ACSM2B: variants seen among roughly 807,000 people sequenced by gnomAD.
ACSM2B encodes acyl-coenzyme A synthetase ACSM2B, mitochondrial.
ACSM2B carries 58 observed loss-of-function variants against 78.6 expected under a neutral mutation model. That is an observed-to-expected ratio of 0.74 (90% CI 0.60 to 0.92). The LOEUF (loss-of-function observed/expected upper bound fraction) is 0.92, where lower values mean the gene tolerates loss of function less well. Among genes scored for constraint, ACSM2B ranks in the 40% least tolerant of loss-of-function variants. The pLI, the probability that ACSM2B is intolerant of heterozygous loss-of-function variation, is 0.00. For synonymous variants in ACSM2B, 257 were observed against 256.8 expected (o/e 1.00, Z -0.01); for missense variants, 688 against 711.2 (o/e 0.97, Z 0.37).
At position 20,561,700 on chromosome 16, in the gene ACSM2B, G is replaced by A. The variant is rs538715782; in HGVS notation, c.178-2253C>T. Among the ~76,000 whole-genome samples, 3 of 151,470 alleles carry A rather than the reference G, an allele frequency of 2.0e-5. No homozygotes were observed. In the South Asian group the frequency reaches 6.3e-4, roughly 32 times the overall value. On this transcript the variant is annotated intron_variant, in intron 2 of 13. Coordinates refer to ENST00000329697, the MANE Select transcript of ACSM2B (RefSeq NM_001105069.2). ...CAATAATCTCTTTTTTTTTTGGTTG[G>A]ATTTGCCTGATATTTCTTTTTTTAT...
At chr16:20,569,474 G>A (rs958877090) in intron 1 of ACSM2B, among the ~76,000 whole-genome samples, 3 of 151,836 alleles carry the variant, frequency 2.0e-5, no homozygotes, top group African/African-American at 7.3e-5. Context: ...GCTGACTATG[G>A]CCTTATAGTA....
chr16:20,576,033 T>C (rs1279403001), intron 1 of ACSM2B, among the ~76,000 whole-genome samples, 174 bp downstream of exon 1: 2 of 148,190 alleles, frequency 1.3e-5, no homozygotes, highest in Non-Finnish European at 2.9e-5. Flanking sequence ...ACGTGCCTTT[T>C]CCTCTGCCCA....
chr16:20,544,590 C>T, intron 10 of ACSM2B: 1 of 985,116 alleles, frequency 1.0e-6, no homozygotes, highest in Non-Finnish European at 1.2e-6. Context: ...GAAGGCATGC[C>T]CTTGGGTTCT....
At chr16:20,542,812 G>A (rs190167399) in intron 12 of ACSM2B, 102 bp downstream of exon 12, 15,907 of 1,453,072 alleles carry the variant, frequency 0.011, 47 homozygotes, top group Non-Finnish European at 0.013. Context: ...CCAAGATTGG[G>A]TCTCAGAGTG....
chr16:20,537,170 A>G lies in ACSM2B; in HGVS notation c.*88T>C. ...TTACATTCATGTTCTTTCATAAAGA[A>G]TCTCATATCATCATAGTAAGGCCAA... On this transcript the variant is annotated 3_prime_UTR_variant, in exon 14 of 14. Transcript: ENST00000329697. 54 of 1,402,726 alleles carry G rather than the reference A, an allele frequency of 3.8e-5. No homozygotes were observed. The highest frequency in any genetic ancestry group is 4.9e-5 in the Non-Finnish European group (49 of 1,004,500). The allele number at this position is 1,402,726 out of a possible 1,614,324, so 86.9% of individuals were successfully genotyped here.
chr16:20,559,204 G>T, intron 3 of ACSM2B, 33 bp downstream of exon 3: 2 of 1,529,898 alleles, frequency 1.3e-6, no homozygotes, highest in Non-Finnish European at 1.8e-6. Flanking sequence ...TCACAAGGAA[G>T]ACAGTTCTCT....
At chr16:20,550,871 C>T (rs2015291926) in intron 6 of ACSM2B, among the ~76,000 whole-genome samples, 1 of 152,080 alleles carries the variant, frequency 6.6e-6, no homozygotes. Context: ...CCATCAAGTT[C>T]TATAGGAAAA....
chr16:20,566,064 T>C (rs1200061179), intron 1 of ACSM2B, among the ~76,000 whole-genome samples: 1 of 147,850 alleles, frequency 6.8e-6, no homozygotes, highest in East Asian at 1.9e-4. Flanking sequence ...TATGATACTA[T>C]AAATAATATA....
rs2014861533 is a variant in ACSM2B, at chr16:20,537,064, ACTCT to A, written c.*190_*193del. ...CTTTTTCTGTTACCCTCTCCTTTTC[ACTCT>A]CTCTCATTCCTTCCCTTTCTTATTT... On this transcript the variant is annotated 3_prime_UTR_variant, in exon 14 of 14. Coordinates refer to ENST00000329697, the MANE Select transcript of ACSM2B (RefSeq NM_001105069.2). 2 of 576,000 alleles carry A rather than the reference ACTCT, an allele frequency of 3.5e-6. No homozygotes were observed. Among genetic ancestry groups the A allele is most frequent in the East Asian group, 6.2e-5 (2 of 32,356 alleles). 35.7% of individuals were successfully genotyped at this position (576,000 alleles called of 1,614,324 possible).
intron 5 of ACSM2B, among the ~76,000 whole-genome samples, chr16:20,552,582 G>A (rs929564765): frequency 3.9e-5 from 6 of 152,066 alleles, no homozygotes; most frequent in African/African-American, 4.8e-5. Context: ...CCAAAACTCC[G>A]TACAGTTTCT....
chr16:20,542,831 C>G (rs2015033471), intron 12 of ACSM2B, 83 bp downstream of exon 12: 1 of 1,554,774 alleles, frequency 6.4e-7, no homozygotes, highest in Non-Finnish European at 8.8e-7. Flanking sequence ...TGTTCAGCCC[C>G]ACAGTCCCTG....
In ACSM2B at chr16:20,540,599, C is replaced by T. The variant is rs2014961570; in HGVS notation, c.1629+55G>A. On this transcript the variant is annotated intron_variant, in intron 13 of 13. Transcript: ENST00000329697. Reference sequence around the variant, plus strand: ...CTCCTCCTGAAGAAGATAAATATAACAGGAAAACAATCTATTTCTCAAGTT... The same window carrying T: ...CTCCTCCTGAAGAAGATAAATATAATAGGAAAACAATCTATTTCTCAAGTT... The T allele has an allele frequency of 7.5e-6, 12 of 1,598,924 alleles. No individual in the cohort carries two copies. The Admixed American group carries it at 8.6e-5, about 11-fold the overall frequency.
chr16:20,551,264 A>G (rs1422082488), intron 6 of ACSM2B, among the ~76,000 whole-genome samples: 1 of 152,048 alleles, frequency 6.6e-6, no homozygotes, highest in African/African-American at 2.4e-5. Flanking sequence ...GGTGGTGTTT[A>G]CAGGGGTGTC....
Position 20,546,481 on chromosome 16 carries a change from A to T in ACSM2B, c.1099-7T>A, listed in dbSNP as rs201416659. 9.8e-5 allele frequency: 156 copies of T among 1,592,782 alleles called. No homozygotes were observed. The highest frequency in any genetic ancestry group is 5.1e-4 in the Middle Eastern group (3 of 5,906). The stretch of plus-strand genomic sequence containing the variant: ...AAACCATGCAAGTTAATCCCTGTGG[A>T]AAGAAGCAGACAGATCAGCAAACCT... On this transcript the variant is annotated splice_region_variant and splice_polypyrimidine_tract_variant and intron_variant, in intron 8 of 13. Coordinates refer to ENST00000329697, the MANE Select transcript of ACSM2B (RefSeq NM_001105069.2).
At chr16:20,566,700 A>ATATATAGTATATACTATATATAC (rs1348333544) in intron 1 of ACSM2B, among the ~76,000 whole-genome samples, 1 of 6,702 alleles carries the variant, frequency 1.5e-4, no homozygotes. Flanking sequence ...TATATATAGT[A>ATATATAGTATATACTATATATAC]TATATATAGT....
At chr16:20,543,386 A>G in intron 10 of ACSM2B, 124 bp from the exon 11 acceptor site, 4 of 1,544,708 alleles carry the variant, frequency 2.6e-6, no homozygotes, top group Non-Finnish European at 3.5e-6. Context: ...TAACCTGAAC[A>G]TGGCAGACAT....
intron 1 of ACSM2B, among the ~76,000 whole-genome samples, chr16:20,565,288 C>T (rs563674414): frequency 4.9e-4 from 74 of 152,222 alleles, no homozygotes; most frequent in Middle Eastern, 3.4e-3. Flanking sequence ...TTGGCTTGCT[C>T]AAGAGATATG....
chr16:20,568,627 T>C lies in ACSM2B; in HGVS notation c.-8-3774A>G, dbSNP rs527597977. ...GATCAAATGGTAGTTCTACTTTTCG[T>C]TCTTTGATGAATTTCCAGTTTTCCA... On this transcript the variant is annotated intron_variant, in intron 1 of 13. Coordinates refer to ENST00000329697, the MANE Select transcript of ACSM2B (RefSeq NM_001105069.2). Among the ~76,000 whole-genome samples the C allele has an allele frequency of 5.9e-5, 9 of 151,690 alleles. No homozygotes were observed. The East Asian group carries it at 1.7e-3, about 29-fold the overall frequency.
chr16:20,566,718 G>GTATATATTA (rs1555459397), intron 1 of ACSM2B, among the ~76,000 whole-genome samples: 92 of 5,016 alleles, frequency 0.018, 6 homozygotes, highest in Non-Finnish European at 0.027. Context: ...AGTATATATA[G>GTATATATTA]TATATACTAT....
Sources: gnomAD v4.1 joint callset for allele counts (sites outside exome capture counted in the v4.1 genomes callset) on GRCh38, gnomAD v4.1.1 for gene constraint, MANE v1.5 for transcripts, NCBI Gene and HGNC (gene_info 2026-07-23, HGNC 2026-07-21) for gene names.